TMEM218: variants seen among roughly 807,000 people sequenced by gnomAD.
TMEM218 encodes the protein transmembrane protein 218.
Under a neutral mutation model 10.0 loss-of-function variants are expected in TMEM218, and 8 were observed. The observed-to-expected ratio is 0.80, with a 90% confidence interval of 0.47 to 1.44. The LOEUF is 1.44. Among genes scored for constraint, TMEM218 ranks in the 40% most tolerant of loss-of-function variants. TMEM218 has a pLI of 0.00. For synonymous variants in TMEM218, 66 were observed against 63.5 expected (o/e 1.04, Z -0.18); for missense variants, 110 against 140.1 (o/e 0.79, Z 1.08).
chr11:125,101,200 C>A lies in TMEM218; in HGVS notation c.213+1G>T, dbSNP rs756328213. 1 of 1,613,178 alleles carries A rather than the reference C, an allele frequency of 6.2e-7. No homozygotes were observed. The highest frequency in any genetic ancestry group is 8.5e-7 in the Non-Finnish European group (1 of 1,179,542). The stretch of plus-strand genomic sequence containing the variant: ...AGGCAAAACGAAAGCAACAGCTTTA[C>A]CTTAACTTCCACTTCTGGGGCTGGG... On this transcript the variant is annotated splice_donor_variant, in intron 4 of 4. Transcript: ENST00000682305. LOFTEE classifies it high-confidence loss of function.
rs74621078 is a variant in TMEM218 at position 125,102,866 on chromosome 11, C to T, written c.-152-57G>A. On this transcript the variant is annotated intron_variant, in intron 1 of 4. Transcript: ENST00000682305. Reference sequence around the variant, plus strand: ...TGAACATTCACTGTGTGCTAAGTGCCGTACAAACATATCTCATTGAATCCC... The same window carrying T: ...TGAACATTCACTGTGTGCTAAGTGCTGTACAAACATATCTCATTGAATCCC... 1,371 of 433,608 alleles carry T rather than the reference C, an allele frequency of 3.2e-3. 21 individuals carry two copies. Among genetic ancestry groups the T allele is most frequent in the African/African-American group, 0.025 (1,208 of 47,848 alleles). The allele number at this position is 433,608 out of a possible 1,614,324, so 26.9% of individuals were successfully genotyped here. A position where few individuals can be genotyped will look rare whatever the true frequency, so the allele number is the denominator to read the frequency against.
rs1324934779 is a variant in TMEM218 at position 125,108,045 on chromosome 11, AT to A, written c.-153+3493del. 1.2e-4 allele frequency among the ~76,000 whole-genome samples: 18 copies of A among 152,284 alleles called. No individual in the cohort carries two copies. The highest frequency in any genetic ancestry group is 3.4e-4 in the African/African-American group (14 of 41,562). On this transcript the variant is annotated intron_variant, in intron 1 of 4. Coordinates refer to ENST00000682305, the MANE Select transcript of TMEM218 (RefSeq NM_001258244.2). The surrounding 1 kb of genome is among the most constrained non-coding windows in gnomAD (Gnocchi z 5.3). ...CAATCCTAACCAAAGTCTAAAAACA[AT>A]TTTTTGTGGAACTTGAAAACGGATC... is the stretch of plus-strand genomic sequence containing the variant.
intron 3 of TMEM218, 152 bp downstream of exon 3, chr11:125,101,980 G>A: frequency 1.1e-6 from 1 of 877,364 alleles, no homozygotes; most frequent in East Asian, 3.0e-5. Flanking sequence ...AAATAACACA[G>A]TTAGTGTTTA....
chr11:125,102,379 T>C, intron 2 of TMEM218, 62 bp from the exon 3 acceptor site: 1 of 1,527,042 alleles, frequency 6.5e-7, no homozygotes, highest in Non-Finnish European at 8.7e-7. Context: ...TATTTTTTGA[T>C]GATCAGTGTG....
At chr11:125,099,855 C>A (rs1293129916) in intron 4 of TMEM218, among the ~76,000 whole-genome samples, 1 of 140,282 alleles carries the variant, frequency 7.1e-6, no homozygotes, top group Non-Finnish European at 1.5e-5. Context: ...GTCCGGGAGA[C>A]GGAGGTTGCA....
intron 3 of TMEM218, 28 bp from the exon 4 acceptor site, chr11:125,101,331 A>C: frequency 1.2e-6 from 2 of 1,600,216 alleles, no homozygotes; most frequent in South Asian, 1.1e-5. Flanking sequence ...AATTATTAAA[A>C]GCACTGTCTA....
chr11:125,095,838 A>G lies in TMEM218; in HGVS notation c.*1768T>C, dbSNP rs1325186040. Among the ~76,000 whole-genome samples the G allele has an allele frequency of 6.6e-6, 1 of 152,194 alleles. No individual in the cohort carries two copies. ...GAATAACTTTTGGGGGGAATAAAAA[A>G]GATGGATTCATGGTCAGGAACCTAT... On this transcript the variant is annotated 3_prime_UTR_variant, in exon 5 of 5. Coordinates refer to ENST00000682305, the MANE Select transcript of TMEM218 (RefSeq NM_001258244.2).
intron 1 of TMEM218, among the ~76,000 whole-genome samples, chr11:125,107,778 TAAA>T (rs2135932809): frequency 7.6e-6 from 1 of 131,200 alleles, no homozygotes; most frequent in Admixed American, 7.7e-5. Flanking sequence ...ACTTTCATAA[TAAA>T]AAGATGTGGA....
rs746919283 is a variant in TMEM218 at position 125,102,247 on chromosome 11, G to C, written c.-6C>G. ...CCGAGCACAGTGCCAGCCATCCCGC[G>C]GGGAGGCAGCGGCGGCCCCCCGCCC... On this transcript the variant is annotated 5_prime_UTR_variant, in exon 3 of 5. Transcript: ENST00000682305. 2.5e-6 allele frequency: 4 copies of C among 1,611,992 alleles called. No homozygotes were observed. Among genetic ancestry groups the C allele is most frequent in the Admixed American group, 1.7e-5 (1 of 59,758 alleles).
Position 125,097,693 on chromosome 11 carries a change from A to G in TMEM218, c.261T>C (p.Leu87=). The stretch of plus-strand genomic sequence containing the variant: ...AGAGGCCTCCAAGGAAGATGGCACT[A>G]AGGAAAGCCAGCAGGACATAGCGGC... ...FIGRYVLLAF[L]SAIFLGGLFL... Residue 87 remains leucine (L), a synonymous_variant, in exon 5 of 5, where the codon CTT becomes CTC. Coordinates refer to ENST00000682305, the MANE Select transcript of TMEM218 (RefSeq NM_001258244.2). 6.2e-7 allele frequency: 1 copy of G among 1,614,180 alleles called. No homozygotes were observed.
chr11:125,103,241 A>T (rs1466543976), intron 1 of TMEM218: 1 of 153,036 alleles, frequency 6.5e-6, no homozygotes, highest in Non-Finnish European at 1.5e-5. Flanking sequence ...AGGAGCACGA[A>T]CCCTAGTGTG....
chr11:125,105,277 G>C (rs1951843544), intron 1 of TMEM218, among the ~76,000 whole-genome samples: 1 of 152,168 alleles, frequency 6.6e-6, no homozygotes. Flanking sequence ...ATGAAAACTA[G>C]ACTAAAAGTG....
At chr11:125,098,983 C>T (rs1950174767) in intron 4 of TMEM218, among the ~76,000 whole-genome samples, 1 of 152,162 alleles carries the variant, frequency 6.6e-6, no homozygotes, top group African/African-American at 2.4e-5. Context: ...GGAATGCTGC[C>T]CTGCCAACCC....
intron 1 of TMEM218, among the ~76,000 whole-genome samples, chr11:125,106,261 C>A (rs1391242178): frequency 6.0e-5 from 9 of 150,934 alleles, no homozygotes; most frequent in East Asian, 3.9e-4. Flanking sequence ...TGAAAAAAAA[C>A]CAAGTGAAAC....
rs537337037 is a variant in TMEM218, at chr11:125,109,564, T to G, written c.-153+1975A>C. On this transcript the variant is annotated intron_variant, in intron 1 of 4. Transcript: ENST00000682305. ...ATGTACTATTTTCTGTTTTTAAATTTTTCGTGATAATTTTTAATTTTTAAA... is the reference window on the plus strand; with the variant it reads ...ATGTACTATTTTCTGTTTTTAAATTGTTCGTGATAATTTTTAATTTTTAAA... Among the ~76,000 whole-genome samples, 11 of 152,354 alleles carry G rather than the reference T, an allele frequency of 7.2e-5. No homozygotes were observed. The East Asian group carries it at 2.1e-3, about 29-fold the overall frequency.
intron 3 of TMEM218, 197 bp downstream of exon 3, chr11:125,101,935 T>G (rs1950892111): frequency 1.4e-5 from 9 of 637,380 alleles, no homozygotes; most frequent in Non-Finnish European, 2.0e-5. Flanking sequence ...TCAAGAACAC[T>G]ACTTCCTTCT....
Position 125,100,208 on chromosome 11 carries a change from C to G in TMEM218, c.213+993G>C, listed in dbSNP as rs144382538. On this transcript the variant is annotated intron_variant, in intron 4 of 4. Transcript: ENST00000682305. ...ATGCTAACCCATGAGCTCTCTGGGA[C>G]TGCCCTGAATATTCTGTTAAGTTCT... Among the ~76,000 whole-genome samples the G allele has an allele frequency of 2.8e-3, 429 of 152,336 alleles. 2 individuals are homozygous for G. Among genetic ancestry groups the G allele is most frequent in the African/African-American group, 9.9e-3 (410 of 41,580 alleles).
At chr11:125,105,982 C>T (rs1952044449) in intron 1 of TMEM218, among the ~76,000 whole-genome samples, 2 of 151,736 alleles carry the variant, frequency 1.3e-5, no homozygotes, top group South Asian at 2.1e-4. Context: ...TGTACAAAAG[C>T]TCTACAGAAA....
rs1461752806 is a variant in TMEM218, at chr11:125,095,842, G to A, written c.*1764C>T. On this transcript the variant is annotated 3_prime_UTR_variant, in exon 5 of 5. Transcript: ENST00000682305. ...AACTTTTGGGGGGAATAAAAAAGAT[G>A]GATTCATGGTCAGGAACCTATAAGA... 6.6e-6 allele frequency among the ~76,000 whole-genome samples: 1 copy of A among 152,092 alleles called. No homozygotes were observed. Among genetic ancestry groups the A allele is most frequent in the African/African-American group, 2.4e-5 (1 of 41,392 alleles).
Sources: allele counts gnomAD v4.1 joint callset (sites outside exome capture counted in the v4.1 genomes callset), GRCh38; gene constraint gnomAD v4.1.1; non-coding constraint Gnocchi (gnomAD v3.1); transcripts MANE v1.5; gene names NCBI Gene and HGNC (gene_info 2026-07-23, HGNC 2026-07-21).